The following ITGA1 variants were observed in gnomAD, a reference collection of about 807,000 sequenced individuals.
ITGA1 encodes integrin alpha-1.
ITGA1 carries 85 observed loss-of-function variants against 145.9 expected under a neutral mutation model. The ratio of observed to expected loss-of-function variants is 0.58; its 90% confidence interval spans 0.49 to 0.70. The LOEUF is 0.70. Ranked by LOEUF, ITGA1 falls within the 30% of genes least tolerant of loss-of-function variation. The pLI is 0.00. For synonymous variants in ITGA1, 520 were observed against 495.3 expected, an observed-to-expected ratio of 1.05 and a Z score of -0.66; for missense variants, 1,351 against 1,418.7, an observed-to-expected ratio of 0.95 and a Z score of 0.77.
At chr5:52,941,274 T>C (rs1215969814) in intron 26 of ITGA1, among the ~76,000 whole-genome samples, 1 of 152,190 alleles carries the variant, frequency 6.6e-6, no homozygotes, top group African/African-American at 2.4e-5. Flanking sequence ...AACAGTTTCT[T>C]TCGGGTATAT....
At chr5:52,881,844 G>T in intron 6 of ITGA1, 29 bp from the exon 7 acceptor site, 1 of 1,589,092 alleles carries the variant, frequency 6.3e-7, no homozygotes, top group Non-Finnish European at 8.6e-7. Context: ...TTGGATTGAC[G>T]TATAACTCAC....
intron 6 of ITGA1, among the ~76,000 whole-genome samples, chr5:52,867,662 C>T (rs1009883203): frequency 8.6e-5 from 13 of 151,898 alleles, no homozygotes; most frequent in African/African-American, 2.4e-4. Flanking sequence ...TCCCTTCTCT[C>T]CTTGGCCAAT....
At position 52,856,713 on chromosome 5, in the gene ITGA1, AAGC is replaced by A. The variant is rs1318573353; in HGVS notation, c.183-4733_183-4731del. On this transcript the variant is annotated intron_variant, in intron 2 of 28. Transcript: ENST00000282588. ...GAGAGAGAGAGAGAGAGAGAGAGAGAAGCCACTAGGTCAAAATTTAATCCTCAC... is the reference window on the plus strand; with the variant it reads ...GAGAGAGAGAGAGAGAGAGAGAGAGACACTAGGTCAAAATTTAATCCTCAC... Among the ~76,000 whole-genome samples the A allele has an allele frequency of 2.2e-5, 3 of 133,972 alleles. No individual in the cohort carries two copies. In the East Asian group the frequency reaches 7.1e-4, roughly 32 times the overall value. The allele number at this position is 133,972 out of a possible 152,430, so 87.9% of individuals were successfully genotyped here.
chr5:52,940,155 C>T (rs755654897), intron 26 of ITGA1, among the ~76,000 whole-genome samples: 1 of 152,184 alleles, frequency 6.6e-6, no homozygotes, highest in Non-Finnish European at 1.5e-5. Flanking sequence ...AAGGTCCCCT[C>T]TGGAGAGATA....
At chr5:52,915,653 T>G (rs1208050326) in intron 15 of ITGA1, 59 bp downstream of exon 15, 2 of 1,580,164 alleles carry the variant, frequency 1.3e-6, no homozygotes, top group Admixed American at 1.7e-5. Flanking sequence ...GAGCTCCCAG[T>G]GTGATTGGAG....
intron 14 of ITGA1, among the ~76,000 whole-genome samples, 154 bp from the exon 15 acceptor site, chr5:52,915,310 A>G (rs1362384340): frequency 6.6e-6 from 1 of 152,212 alleles, no homozygotes; most frequent in African/African-American, 2.4e-5. Flanking sequence ...ACATCTGAGT[A>G]TTTCCTCTTA....
intron 1 of ITGA1, chr5:52,800,333 C>G (rs1020838450): frequency 1.3e-6 from 2 of 1,589,160 alleles, no homozygotes; most frequent in African/African-American, 2.7e-5. Flanking sequence ...TCCCCTCTCC[C>G]GGGGCGGAGG....
At chr5:52,911,556 GTGTATCTACT>G (rs1750533946) in intron 14 of ITGA1, among the ~76,000 whole-genome samples, 1 of 56,580 alleles carries the variant, frequency 1.8e-5, no homozygotes, top group African/African-American at 5.8e-5. Flanking sequence ...ACTATATATA[GTGTATCTACT>G]ATATATACTA....
At chr5:52,829,786 C>G (rs796697830) in intron 1 of ITGA1, among the ~76,000 whole-genome samples, 5 of 152,090 alleles carry the variant, frequency 3.3e-5, no homozygotes, top group African/African-American at 1.2e-4. Context: ...ACACTGTTAC[C>G]CATGGCACAT....
chr5:52,840,995 G>A (rs1749246561), intron 1 of ITGA1, among the ~76,000 whole-genome samples: 1 of 152,156 alleles, frequency 6.6e-6, no homozygotes, highest in Non-Finnish European at 1.5e-5. Flanking sequence ...AGACCCACAG[G>A]ACTTTAGCAC....
chr5:52,900,671 C>T (rs909913817), intron 11 of ITGA1, among the ~76,000 whole-genome samples: 2 of 152,118 alleles, frequency 1.3e-5, no homozygotes, highest in Non-Finnish European at 2.9e-5. Context: ...TTAGCGATAG[C>T]GATGAGGTCA....
chr5:52,853,522 G>A (rs1320192053), intron 2 of ITGA1, among the ~76,000 whole-genome samples: 3 of 152,102 alleles, frequency 2.0e-5, no homozygotes, highest in South Asian at 2.1e-4. Context: ...ATCTTACGTC[G>A]TGACTATAGT....
chr5:52,837,644 T>C (rs73102254), intron 1 of ITGA1, among the ~76,000 whole-genome samples: 5,096 of 152,132 alleles, frequency 0.033, 287 homozygotes, highest in African/African-American at 0.12. Context: ...AAATATTGGC[T>C]GCCGGTTCTT....
chr5:52,915,394 C>T (rs1278229144), intron 14 of ITGA1, 70 bp from the exon 15 acceptor site: 21 of 1,479,996 alleles, frequency 1.4e-5, no homozygotes, highest in Non-Finnish European at 1.9e-5. Context: ...AATTTAAATT[C>T]TCAGATTTAT....
intron 3 of ITGA1, among the ~76,000 whole-genome samples, 170 bp from the exon 4 acceptor site, chr5:52,864,593 C>T (rs983042542): frequency 7.9e-5 from 12 of 152,196 alleles, no homozygotes; most frequent in Admixed American, 3.9e-4. Flanking sequence ...ACTCTTCAGC[C>T]TTAGCTTGTT....
rs748285585 is a variant in ITGA1 at position 52,934,043 on chromosome 5, A to G, written c.2964+47A>G. The G allele has an allele frequency of 8.4e-6, 6 of 718,524 alleles. No homozygotes were observed. The South Asian group carries it at 1.9e-4, about 23-fold the overall frequency. 44.5% of individuals were successfully genotyped at this position (718,524 alleles called of 1,614,324 possible). Reference sequence around the variant, plus strand: ...AGTATTCTAAAGGAGTTATTTGTAAATATATAAATTAAAGTATTAACAGAC... The same window carrying G: ...AGTATTCTAAAGGAGTTATTTGTAAGTATATAAATTAAAGTATTAACAGAC... On this transcript the variant is annotated intron_variant, in intron 23 of 28. Coordinates refer to ENST00000282588, the MANE Select transcript of ITGA1 (RefSeq NM_181501.2).
intron 6 of ITGA1, among the ~76,000 whole-genome samples, chr5:52,879,493 T>A (rs1253677129): frequency 6.6e-6 from 1 of 152,234 alleles, no homozygotes; most frequent in Non-Finnish European, 1.5e-5. Context: ...AAGACATGTG[T>A]ATCCATGGAT....
chr5:52,812,787 C>G (rs10070484), intron 1 of ITGA1, among the ~76,000 whole-genome samples: 36,632 of 124,242 alleles, frequency 0.29, 5,316 homozygotes, highest in Non-Finnish European at 0.33. Flanking sequence ...TCCTTCTTAT[C>G]GCTTTTTTTT....
At chr5:52,907,242 G>T (rs183477210) in intron 12 of ITGA1, among the ~76,000 whole-genome samples, 2 of 152,050 alleles carry the variant, frequency 1.3e-5, no homozygotes, top group Non-Finnish European at 2.9e-5. Context: ...CCACATTTAC[G>T]CTTGGAAAAC....
Sources: gnomAD v4.1 joint callset for allele counts (sites outside exome capture counted in the v4.1 genomes callset) on GRCh38, gnomAD v4.1.1 for gene constraint, MANE v1.5 for transcripts, NCBI Gene and HGNC (gene_info 2026-07-23, HGNC 2026-07-21) for gene names.